CAMKMT: variants seen among roughly 807,000 people sequenced by gnomAD.
CAMKMT encodes CaM KMT.
Under a neutral mutation model 48.0 loss-of-function variants are expected in CAMKMT, and 53 were observed. That is an observed-to-expected ratio of 1.10 (90% CI 0.89 to 1.39). The LOEUF is 1.39. Among genes scored for constraint, CAMKMT ranks in the 40% most tolerant of loss-of-function variants. The pLI is 0.00. For synonymous variants in CAMKMT, 165 were observed against 152.3 expected, an observed-to-expected ratio of 1.08 and a Z score of -0.61; for missense variants, 428 against 402.7, an observed-to-expected ratio of 1.06 and a Z score of -0.54.
chr2:44,753,354 G>A (rs761917147), intron 8 of CAMKMT, among the ~76,000 whole-genome samples: 1 of 149,618 alleles, frequency 6.7e-6, no homozygotes, highest in Non-Finnish European at 1.5e-5. Flanking sequence ...TTGAGCCCTG[G>A]CATTTGAGGC....
intron 3 of CAMKMT, among the ~76,000 whole-genome samples, chr2:44,652,356 G>A (rs777087024): frequency 6.6e-6 from 1 of 152,214 alleles, no homozygotes; most frequent in East Asian, 1.9e-4. Context: ...CATTAGCCCT[G>A]TTCCTTGTTC....
chr2:44,760,035 TG>T (rs2104397629), intron 9 of CAMKMT, among the ~76,000 whole-genome samples: 1 of 152,274 alleles, frequency 6.6e-6, no homozygotes, highest in East Asian at 1.9e-4. Context: ...GCCATTCCTA[TG>T]CGCTGAGGAA....
intron 3 of CAMKMT, among the ~76,000 whole-genome samples, chr2:44,563,120 T>C (rs1558705125): frequency 6.8e-6 from 1 of 146,472 alleles, no homozygotes; most frequent in Non-Finnish European, 1.5e-5. Context: ...ACTTACAAGG[T>C]TTACTTTTAT....
chr2:44,371,379 A>C (rs1440006216), intron 1 of CAMKMT, among the ~76,000 whole-genome samples: 1 of 152,184 alleles, frequency 6.6e-6, no homozygotes, highest in Non-Finnish European at 1.5e-5. Context: ...TCAGCCTTCC[A>C]AAGTGTTAGG....
At chr2:44,544,154 G>A (rs1286370285) in intron 3 of CAMKMT, among the ~76,000 whole-genome samples, 2 of 151,802 alleles carry the variant, frequency 1.3e-5, no homozygotes, top group Non-Finnish European at 2.9e-5. Flanking sequence ...TTGGTATTAT[G>A]TTAAATACAT....
intron 3 of CAMKMT, among the ~76,000 whole-genome samples, chr2:44,400,105 C>T (rs1682226931): frequency 1.3e-5 from 2 of 152,134 alleles, no homozygotes; most frequent in African/African-American, 2.4e-5. Flanking sequence ...CATACCCAAA[C>T]AAATCTGTTC....
intron 3 of CAMKMT, among the ~76,000 whole-genome samples, chr2:44,477,216 G>C (rs892679693): frequency 2.0e-5 from 3 of 152,144 alleles, no homozygotes; most frequent in African/African-American, 7.2e-5. Context: ...GGAGCTTGGA[G>C]ATTTGATCTA....
At chr2:44,372,085 A>G (rs1176998211) in intron 1 of CAMKMT, among the ~76,000 whole-genome samples, 1 of 152,218 alleles carries the variant, frequency 6.6e-6, no homozygotes, top group Non-Finnish European at 1.5e-5. Context: ...TTGTTAAAGA[A>G]GCAGCTTATC....
intron 3 of CAMKMT, among the ~76,000 whole-genome samples, chr2:44,433,343 C>G (rs1684760660): frequency 6.6e-6 from 1 of 152,052 alleles, no homozygotes; most frequent in Non-Finnish European, 1.5e-5. Flanking sequence ...GATGAATTAA[C>G]ATAGTAAGTA....
chr2:44,534,320 C>G (rs1054126318), intron 3 of CAMKMT, among the ~76,000 whole-genome samples: 1 of 152,086 alleles, frequency 6.6e-6, no homozygotes, highest in Admixed American at 6.6e-5. Flanking sequence ...TAGCATTAGA[C>G]AGATCATCCA....
At chr2:44,746,451 A>AACTT (rs1184606276) in intron 8 of CAMKMT, among the ~76,000 whole-genome samples, 1 of 152,080 alleles carries the variant, frequency 6.6e-6, no homozygotes, top group Non-Finnish European at 1.5e-5. Flanking sequence ...TGGGGGAAAT[A>AACTT]ACTTATTTCC....
intron 3 of CAMKMT, among the ~76,000 whole-genome samples, chr2:44,525,690 A>T (rs1479049373): frequency 6.6e-6 from 1 of 152,286 alleles, no homozygotes; most frequent in East Asian, 1.9e-4. Flanking sequence ...TTAGGTGGGA[A>T]TTAGTGTACT....
chr2:44,600,167 G>A (rs1670899017), intron 3 of CAMKMT, among the ~76,000 whole-genome samples: 1 of 151,980 alleles, frequency 6.6e-6, no homozygotes, highest in Non-Finnish European at 1.5e-5. Context: ...TTCAGATTCA[G>A]AGTTTAAAAC....
At position 44,679,562 on chromosome 2, in the gene CAMKMT, C is replaced by T. The variant is rs376801769; in HGVS notation, c.377-24721C>T. 7.9e-5 allele frequency among the ~76,000 whole-genome samples: 12 copies of T among 152,258 alleles called. No homozygotes were observed. The East Asian group carries it at 9.7e-4, about 12-fold the overall frequency. ...TGCCATTAATGTTATACCCTTGGCA[C>T]GGAAGTTCCTATTTAAGGAAAAGTA... On this transcript the variant is annotated intron_variant, in intron 3 of 10. Coordinates refer to ENST00000378494, the MANE Select transcript of CAMKMT (RefSeq NM_024766.5).
intron 2 of CAMKMT, among the ~76,000 whole-genome samples, chr2:44,373,695 T>G (rs1231934276): frequency 6.6e-6 from 1 of 152,226 alleles, no homozygotes; most frequent in East Asian, 1.9e-4. Context: ...CTTTTTATAG[T>G]ATATGTTTCT....
chr2:44,730,879 G>C (rs1005038961), intron 7 of CAMKMT, among the ~76,000 whole-genome samples: 2 of 152,204 alleles, frequency 1.3e-5, no homozygotes, highest in Admixed American at 6.5e-5. Context: ...GGAATCCTCT[G>C]TAAAGAATGC....
intron 6 of CAMKMT, among the ~76,000 whole-genome samples, chr2:44,711,906 A>G (rs901827286): frequency 6.6e-6 from 1 of 152,196 alleles, no homozygotes; most frequent in Non-Finnish European, 1.5e-5. Flanking sequence ...ACTAGAAGCC[A>G]GGTTCATTTG....
intron 3 of CAMKMT, among the ~76,000 whole-genome samples, chr2:44,689,406 C>T (rs554526071): frequency 6.6e-6 from 1 of 151,726 alleles, no homozygotes; most frequent in African/African-American, 2.4e-5. Flanking sequence ...TCAAGTGATT[C>T]TCCTGCCTCA....
intron 6 of CAMKMT, 44 bp from the exon 7 acceptor site, chr2:44,715,243 C>A: frequency 9.5e-6 from 12 of 1,265,436 alleles, no homozygotes; most frequent in Middle Eastern, 2.0e-4. Context: ...TTTTTTTGGT[C>A]ACTTCACAAT....
Sources: allele counts gnomAD v4.1 joint callset (sites outside exome capture counted in the v4.1 genomes callset), GRCh38; gene constraint gnomAD v4.1.1; transcripts MANE v1.5; gene names NCBI Gene and HGNC (gene_info 2026-07-23, HGNC 2026-07-21).